MACROD2: variants seen among roughly 807,000 people sequenced by gnomAD.
MACROD2 encodes the protein mono-ADP ribosylhydrolase 2.
MACROD2 carries 36 observed loss-of-function variants against 70.4 expected under a neutral mutation model. The observed-to-expected ratio is 0.51, with a 90% CI of 0.39 to 0.68. The LOEUF is 0.68. Ranked by LOEUF, MACROD2 falls within the 30% of genes least tolerant of loss-of-function variation. MACROD2 has a pLI of 0.00. For synonymous variants in MACROD2, 172 were observed against 178.8 expected, an observed-to-expected ratio of 0.96 and a Z score of 0.30; for missense variants, 496 against 538.4, an observed-to-expected ratio of 0.92 and a Z score of 0.78.
At chr20:15,178,809 T>C (rs940493093) in intron 5 of MACROD2, among the ~76,000 whole-genome samples, 2 of 152,216 alleles carry the variant, frequency 1.3e-5, no homozygotes, top group Admixed American at 6.5e-5. Flanking sequence ...GGCATTGCAA[T>C]GTTCCATATG....
intron 4 of MACROD2, among the ~76,000 whole-genome samples, chr20:14,569,027 G>T (rs1980004049): frequency 6.6e-6 from 1 of 151,920 alleles, no homozygotes; most frequent in Admixed American, 6.6e-5. Flanking sequence ...TATTCTGGCA[G>T]TACGTAAATC....
intron 3 of MACROD2, among the ~76,000 whole-genome samples, chr20:14,233,985 A>G (rs1434419123): frequency 6.6e-6 from 1 of 152,180 alleles, no homozygotes; most frequent in East Asian, 1.9e-4. Context: ...TAAATATATG[A>G]TATTACGGAT....
intron 5 of MACROD2, among the ~76,000 whole-genome samples, chr20:14,861,223 C>T (rs2073312724): frequency 6.6e-6 from 1 of 152,092 alleles, no homozygotes; most frequent in South Asian, 2.1e-4. Context: ...CCACTTAGGC[C>T]TACCTAAATG....
intron 2 of MACROD2, among the ~76,000 whole-genome samples, chr20:14,047,454 CAAAAAAAA>C (rs11479438): frequency 1.0e-5 from 1 of 99,208 alleles, no homozygotes; most frequent in Admixed American, 1.1e-4. Flanking sequence ...GACTCCGTCT[CAAAAAAAA>C]AAAAAAAAAA....
Position 14,802,773 on chromosome 20 carries a change from CACAT to C in MACROD2, c.418+117818_418+117821del, listed in dbSNP as rs1033472926. Reference sequence around the variant, plus strand: ...TTCTCTTAACAAGCACACACATACACACATACACACACACACACACACACACACA... The same window carrying C: ...TTCTCTTAACAAGCACACACATACACACACACACACACACACACACACACA... On this transcript the variant is annotated intron_variant, in intron 5 of 17. Coordinates refer to ENST00000684519, the MANE Select transcript of MACROD2 (RefSeq NM_001351661.2). 1.8e-3 allele frequency among the ~76,000 whole-genome samples: 79 copies of C among 44,480 alleles called. 2 individuals carry two copies. Among genetic ancestry groups the C allele is most frequent in the East Asian group, 0.011 (25 of 2,332 alleles). 29.2% of individuals were successfully genotyped at this position (44,480 alleles called of 152,430 possible). A position where few individuals can be genotyped will look rare whatever the true frequency, so the allele number is the denominator to read the frequency against.
intron 5 of MACROD2, among the ~76,000 whole-genome samples, chr20:15,006,131 A>G (rs902891840): frequency 1.6e-5 from 2 of 123,896 alleles, no homozygotes; most frequent in Non-Finnish European, 3.4e-5. Context: ...AATGCATTTT[A>G]TATATATATA....
chr20:15,365,615 C>T (rs138713011), intron 6 of MACROD2, among the ~76,000 whole-genome samples: 3,082 of 151,258 alleles, frequency 0.02, 54 homozygotes, highest in Middle Eastern at 0.034. Flanking sequence ...GAGCCGAGAT[C>T]GCACCACTGC....
At chr20:14,672,824 A>G (rs957805335) in intron 4 of MACROD2, among the ~76,000 whole-genome samples, 3 of 152,210 alleles carry the variant, frequency 2.0e-5, no homozygotes, top group Non-Finnish European at 4.4e-5. Context: ...ATGTACTTAT[A>G]TGTATGTGTA....
chr20:14,710,234 C>A (rs2071322037), intron 5 of MACROD2, among the ~76,000 whole-genome samples: 1 of 152,014 alleles, frequency 6.6e-6, no homozygotes, highest in African/African-American at 2.4e-5. Flanking sequence ...AAAATGGACA[C>A]CATAATCAAC....
intron 6 of MACROD2, among the ~76,000 whole-genome samples, chr20:15,236,114 T>G (rs1416020919): frequency 6.6e-6 from 1 of 152,262 alleles, no homozygotes; most frequent in Non-Finnish European, 1.5e-5. Context: ...TCTCATTTAT[T>G]TTTCAAATTC....
intron 3 of MACROD2, chr20:14,327,493 G>C (rs990071934): frequency 6.2e-7 from 1 of 1,612,126 alleles, no homozygotes; most frequent in African/African-American, 1.3e-5. Flanking sequence ...GATGCTCCAG[G>C]CTGCGCTGAT....
At chr20:15,861,907 A>T (rs2064429663) in intron 8 of MACROD2, among the ~76,000 whole-genome samples, 1 of 152,132 alleles carries the variant, frequency 6.6e-6, no homozygotes, top group South Asian at 2.1e-4. Context: ...GTGCTTTTCA[A>T]TTTTTTTATG....
At chr20:14,168,917 C>T (rs1217007782) in intron 3 of MACROD2, among the ~76,000 whole-genome samples, 1 of 152,264 alleles carries the variant, frequency 6.6e-6, no homozygotes, top group African/African-American at 2.4e-5. Context: ...AAAACTATGG[C>T]CCAATGTCCC....
chr20:14,562,348 A>T (rs1979489692), intron 4 of MACROD2, among the ~76,000 whole-genome samples: 1 of 147,452 alleles, frequency 6.8e-6, no homozygotes, highest in South Asian at 2.1e-4. Flanking sequence ...CTATTATACC[A>T]TTATATAAAC....
intron 5 of MACROD2, among the ~76,000 whole-genome samples, chr20:15,156,052 T>C (rs546600722): frequency 5.3e-5 from 8 of 152,288 alleles, no homozygotes; most frequent in African/African-American, 1.9e-4. Flanking sequence ...TGATAAAATC[T>C]CCAGATGATG....
chr20:14,549,199 A>T (rs1419636824), intron 4 of MACROD2, among the ~76,000 whole-genome samples: 3 of 152,198 alleles, frequency 2.0e-5, no homozygotes, highest in African/African-American at 4.8e-5. Flanking sequence ...TATTGGTGGT[A>T]TCAAGTATCT....
At chr20:14,647,838 G>C (rs1187915910) in intron 4 of MACROD2, among the ~76,000 whole-genome samples, 1 of 151,932 alleles carries the variant, frequency 6.6e-6, no homozygotes, top group Admixed American at 6.6e-5. Context: ...CATTGTCCCG[G>C]GATTTACAGC....
At chr20:16,038,172 T>C (rs2067259899) in intron 15 of MACROD2, among the ~76,000 whole-genome samples, 1 of 151,880 alleles carries the variant, frequency 6.6e-6, no homozygotes, top group Admixed American at 6.6e-5. Context: ...TAGATAACTT[T>C]TTTTTTCTTT....
At chr20:14,869,768 G>A (rs939356075) in intron 5 of MACROD2, among the ~76,000 whole-genome samples, 1 of 152,062 alleles carries the variant, frequency 6.6e-6, no homozygotes, top group Non-Finnish European at 1.5e-5. Flanking sequence ...AAATTGTAGA[G>A]AGCAGCCATT....
Sources: gnomAD v4.1 joint callset for allele counts (sites outside exome capture counted in the v4.1 genomes callset) on GRCh38, gnomAD v4.1.1 for gene constraint, MANE v1.5 for transcripts, NCBI Gene and HGNC (gene_info 2026-07-23, HGNC 2026-07-21) for gene names.